BIN1: variants seen among roughly 807,000 people sequenced by gnomAD.
The protein encoded by BIN1 is bridging integrator 1.
BIN1 carries 53 observed loss-of-function variants against 82.0 expected under a neutral mutation model. The observed-to-expected ratio is 0.65, with a 90% CI of 0.52 to 0.81. The LOEUF (loss-of-function observed/expected upper bound fraction) is 0.81, where lower values mean the gene tolerates loss of function less well. BIN1 is among the 40% of genes least tolerant of loss of function. BIN1 has a pLI of 0.00. For synonymous variants in BIN1, 302 were observed against 328.0 expected, an observed-to-expected ratio of 0.92 and a Z score of 0.86; for missense variants, 642 against 784.4, an observed-to-expected ratio of 0.82 and a Z score of 2.17.
chr2:127,079,111 A>G (rs1686981545), intron 1 of BIN1, among the ~76,000 whole-genome samples: 1 of 152,240 alleles, frequency 6.6e-6, no homozygotes, highest in South Asian at 2.1e-4. Flanking sequence ...CCTGAGGTGT[A>G]CAGAGACAGA....
chr2:127,048,683 C>A (rs1355679451), intron 18 of BIN1, 50 bp from the exon 19 acceptor site: 2 of 1,565,764 alleles, frequency 1.3e-6, no homozygotes, highest in Non-Finnish European at 1.8e-6. Context: ...GGGCTCCACC[C>A]CACAGGGCAC....
Position 127,059,078 on chromosome 2 carries a change from A to C in BIN1, c.935T>G (p.Val312Gly), listed in dbSNP as rs1422301836. 6.3e-7 allele frequency: 1 copy of C among 1,584,380 alleles called. No individual in the cohort carries two copies. The highest frequency in any genetic ancestry group is 8.6e-7 in the Non-Finnish European group (1 of 1,167,566). ...GSPAATPEIR[V>G]NHEPEPAGGA... Reference sequence around the variant, plus strand: ...GCCGGCCGGCTCTGGCTCGTGGTTGACTCTGATCTCGGGGGTGGCGGCAGG... The same window carrying C: ...GCCGGCCGGCTCTGGCTCGTGGTTGCCTCTGATCTCGGGGGTGGCGGCAGG... The change falls in exon 11 of 19, where the codon GTC (valine) becomes GGC (glycine). Residue 312 changes from valine to glycine, a missense_variant. Val to Gly is a moderately radical substitution (Grantham distance 109). Coordinates refer to ENST00000316724, the MANE Select transcript of BIN1 (RefSeq NM_139343.3). The surrounding 1 kb of genome is among the most constrained non-coding windows in gnomAD (Gnocchi z 6.7).
intron 4 of BIN1, 94 bp from the exon 5 acceptor site, chr2:127,070,184 C>G: frequency 9.9e-7 from 1 of 1,006,598 alleles, no homozygotes; most frequent in Non-Finnish European, 1.5e-6. Flanking sequence ...AGCCCCATCT[C>G]TTCACAGCTC....
intron 18 of BIN1, 105 bp downstream of exon 18, chr2:127,050,316 G>A (rs796972322): frequency 1.5e-5 from 18 of 1,225,830 alleles, no homozygotes; most frequent in Middle Eastern, 2.5e-4. Context: ...TGGTGCTCGC[G>A]GGCCTCTGCT....
chr2:127,092,716 A>T (rs28434131), intron 1 of BIN1, among the ~76,000 whole-genome samples: 1 of 152,058 alleles, frequency 6.6e-6, no homozygotes, highest in African/African-American at 2.4e-5. Flanking sequence ...GAGTGTGCCC[A>T]GGTTCCTTCA....
intron 15 of BIN1, among the ~76,000 whole-genome samples, 197 bp downstream of exon 15, chr2:127,052,058 C>T (rs549324076): frequency 4.6e-5 from 7 of 152,346 alleles, no homozygotes; most frequent in African/African-American, 1.4e-4. Context: ...GGGGCTGATG[C>T]GCCCAGCTGC....
At chr2:127,100,420 C>T (rs190557504) in intron 1 of BIN1, among the ~76,000 whole-genome samples, 19 of 152,296 alleles carry the variant, frequency 1.2e-4, no homozygotes, top group Admixed American at 9.1e-4. Flanking sequence ...GCCTCCATCT[C>T]ATTTGCTTGT....
rs531124838 is a variant in BIN1, at chr2:127,099,759, G to A, written c.84+7101C>T. ...GATCTCTTGACCTCGTGATCCGCCC[G>A]CCTCGGCCTCCCAAAGTGCTGGGGT... is the stretch of plus-strand genomic sequence containing the variant. On this transcript the variant is annotated intron_variant, in intron 1 of 18. Transcript: ENST00000316724. Among the ~76,000 whole-genome samples the A allele has an allele frequency of 9.3e-4, 141 of 151,134 alleles. 1 individual carries two copies. Among genetic ancestry groups the A allele is most frequent in the Admixed American group, 1.3e-3 (20 of 15,188 alleles).
chr2:127,063,468 A>C (rs1684756909), intron 9 of BIN1, 103 bp downstream of exon 9: 1 of 1,267,050 alleles, frequency 7.9e-7, no homozygotes, highest in Admixed American at 2.0e-5. Flanking sequence ...TGTGTGCTGA[A>C]CCTGGCAGGG....
intron 14 of BIN1, 187 bp downstream of exon 14, chr2:127,053,235 G>A: frequency 1.3e-6 from 1 of 790,656 alleles, no homozygotes; most frequent in Non-Finnish European, 2.1e-6. Flanking sequence ...AGAGGGAGAA[G>A]CAGCAGAATG....
rs1362490178 is a variant in BIN1, at chr2:127,050,903, G to A, written c.1471C>T (p.Pro491Ser). 6.2e-7 allele frequency: 1 copy of A among 1,613,992 alleles called. No individual in the cohort carries two copies. The highest frequency in any genetic ancestry group is 1.7e-5 in the Admixed American group (1 of 60,032). Residue 491 changes from proline (P) to serine (S), a missense_variant, in exon 17 of 19, where the codon CCT (proline) becomes TCT (serine). Transcript: ENST00000316724. ...AASEAASSSL[P>S]AVVVETFPAT... Reference sequence around the variant, plus strand: ...GGGAAGGTCTCCACCACGACAGCAGGAAGAGAGCTCTGGTGGCAGAGGTAC... The same window carrying A: ...GGGAAGGTCTCCACCACGACAGCAGAAAGAGAGCTCTGGTGGCAGAGGTAC...
chr2:127,049,562 G>A (rs767775180), intron 18 of BIN1, among the ~76,000 whole-genome samples: 32 of 152,206 alleles, frequency 2.1e-4, no homozygotes, highest in Admixed American at 3.9e-4. Context: ...ACACAGAAGC[G>A]TTGATGGCTA....
chr2:127,085,712 G>A (rs892529543), intron 1 of BIN1, among the ~76,000 whole-genome samples: 1 of 152,188 alleles, frequency 6.6e-6, no homozygotes, highest in African/African-American at 2.4e-5. Context: ...GGGGGAATGG[G>A]GTCCTCCCCC....
intron 1 of BIN1, 65 bp downstream of exon 1, chr2:127,106,795 G>A (rs1359504848): frequency 1.3e-6 from 2 of 1,536,814 alleles, no homozygotes; most frequent in African/African-American, 1.4e-5. Flanking sequence ...GAGGATAGGG[G>A]GACAGGTGGC....
rs114052643 is a variant in BIN1, at chr2:127,101,761, T to C, written c.84+5099A>G. 7.7e-3 allele frequency among the ~76,000 whole-genome samples: 1,176 copies of C among 152,280 alleles called. 17 individuals are homozygous for C. Among genetic ancestry groups the C allele is most frequent in the African/African-American group, 0.026 (1,100 of 41,548 alleles). On this transcript the variant is annotated intron_variant, in intron 1 of 18. Coordinates refer to ENST00000316724, the MANE Select transcript of BIN1 (RefSeq NM_139343.3). Reference sequence around the variant, plus strand: ...GTAGTCAAGATTCACTCTAAAGCTCTCTGATTCCCAAGCCCAAACCCTCCA... The same window carrying C: ...GTAGTCAAGATTCACTCTAAAGCTCCCTGATTCCCAAGCCCAAACCCTCCA...
chr2:127,069,990 C>G lies in BIN1; in HGVS notation c.411+5G>C, dbSNP rs1457028890. 1.2e-6 allele frequency: 2 copies of G among 1,614,000 alleles called. No individual in the cohort carries two copies. The highest frequency in any genetic ancestry group is 3.3e-5 in the Admixed American group (2 of 60,018). On this transcript the variant is annotated splice_donor_5th_base_variant and intron_variant, in intron 5 of 18. Transcript: ENST00000316724. Reference sequence around the variant, plus strand: ...GCAGGGCAGATCTGCAAGTGGGTCTCTCACCTTGATGTCGGGGAACTGGCC... The same window carrying G: ...GCAGGGCAGATCTGCAAGTGGGTCTGTCACCTTGATGTCGGGGAACTGGCC...
intron 9 of BIN1, among the ~76,000 whole-genome samples, chr2:127,062,953 T>A (rs1684691588): frequency 1.3e-5 from 2 of 152,164 alleles, no homozygotes; most frequent in Admixed American, 6.5e-5. Flanking sequence ...GAATCCACCA[T>A]CATCACTTCA....
chr2:127,103,589 G>T (rs948446223), intron 1 of BIN1, among the ~76,000 whole-genome samples: 2 of 152,136 alleles, frequency 1.3e-5, no homozygotes, highest in Non-Finnish European at 2.9e-5. Context: ...AGCCCAGCGT[G>T]GTCAGAGAAA....
rs1573571427 is a variant in BIN1, at chr2:127,057,610, C to T, written c.1003-9G>A. 2.0e-6 allele frequency: 3 copies of T among 1,512,966 alleles called. No individual in the cohort carries two copies. Among genetic ancestry groups the T allele is most frequent in the South Asian group, 2.5e-5 (2 of 79,876 alleles). 93.7% of individuals were successfully genotyped at this position (1,512,966 alleles called of 1,614,324 possible). On this transcript the variant is annotated splice_polypyrimidine_tract_variant and intron_variant, in intron 11 of 18. Coordinates refer to ENST00000316724, the MANE Select transcript of BIN1 (RefSeq NM_139343.3). This position sits in a 1 kb window ranked among gnomAD's most constrained non-coding sequence, Gnocchi z 5.0. Reference sequence around the variant, plus strand: ...GGTGGGCCTTTCCGGAGCTGTGGGTCGGCGGCGGGTGAGGGGCCGCGCGGG... The same window carrying T: ...GGTGGGCCTTTCCGGAGCTGTGGGTTGGCGGCGGGTGAGGGGCCGCGCGGG...
Sources: allele counts gnomAD v4.1 joint callset (sites outside exome capture counted in the v4.1 genomes callset), GRCh38; gene constraint gnomAD v4.1.1; non-coding constraint Gnocchi (gnomAD v3.1); transcripts MANE v1.5; gene names NCBI Gene and HGNC (gene_info 2026-07-23, HGNC 2026-07-21).